The following LPP variants were observed in gnomAD, a reference collection of about 807,000 sequenced individuals.
The protein encoded by LPP is lipoma-preferred partner.
In LPP, 38 loss-of-function variants were observed where a neutral mutation model predicts 60.4. The observed-to-expected ratio is 0.63, with a 90% CI of 0.49 to 0.83. The LOEUF (loss-of-function observed/expected upper bound fraction) is 0.83. Ranked by LOEUF, LPP falls within the 40% of genes least tolerant of loss-of-function variation. The pLI is 0.00. For synonymous variants in LPP, 328 were observed against 290.8 expected (o/e 1.13, Z -1.30); for missense variants, 902 against 783.6 (o/e 1.15, Z -1.80).
intron 6 of LPP, among the ~76,000 whole-genome samples, chr3:188,606,859 C>A (rs1409631896): frequency 6.6e-6 from 1 of 151,972 alleles, no homozygotes; most frequent in Non-Finnish European, 1.5e-5. Flanking sequence ...GACTCAAGAT[C>A]AGCAGAAACC....
At chr3:188,801,152 T>A (rs1428430813) in intron 9 of LPP, among the ~76,000 whole-genome samples, 1 of 152,142 alleles carries the variant, frequency 6.6e-6, no homozygotes, top group Non-Finnish European at 1.5e-5. Flanking sequence ...GGGCTAAACG[T>A]CTAAAAAACA....
At chr3:188,687,163 C>T (rs1391870343) in intron 7 of LPP, among the ~76,000 whole-genome samples, 2 of 152,192 alleles carry the variant, frequency 1.3e-5, no homozygotes, top group Non-Finnish European at 2.9e-5. Context: ...TAATGGAGAT[C>T]ATCTAGTTCG....
intron 1 of LPP, among the ~76,000 whole-genome samples, chr3:188,197,431 C>T (rs1729851578): frequency 6.6e-6 from 1 of 152,154 alleles, no homozygotes; most frequent in African/African-American, 2.4e-5. Flanking sequence ...TGCCCCAGTA[C>T]ACAGCTGGCA....
At chr3:188,532,486 A>G (rs1822457163) in intron 6 of LPP, among the ~76,000 whole-genome samples, 1 of 152,184 alleles carries the variant, frequency 6.6e-6, no homozygotes, top group Non-Finnish European at 1.5e-5. Context: ...CATAGAGGAA[A>G]GAGGTGAGTT....
chr3:188,243,305 G>C (rs905591201), intron 2 of LPP, among the ~76,000 whole-genome samples: 5 of 152,072 alleles, frequency 3.3e-5, no homozygotes, highest in East Asian at 1.9e-4. Flanking sequence ...CTACCCCTCA[G>C]GTTATTTTAG....
Position 188,248,495 on chromosome 3 carries a change from T to TATAC in LPP, c.-67+22970_-67+22973dup, listed in dbSNP as rs1553833664. Reference sequence around the variant, plus strand: ...ATATATATATATATATATATATATATATACAGTCAGCAGAGCTTGTTTTGG... The same window carrying TATAC: ...ATATATATATATATATATATATATATATACATACAGTCAGCAGAGCTTGTTTTGG... On this transcript the variant is annotated intron_variant, in intron 2 of 11. Coordinates refer to ENST00000617246, the MANE Select transcript of LPP (RefSeq NM_001375462.1). Among the ~76,000 whole-genome samples the TATAC allele has an allele frequency of 2.9e-5, 4 of 138,614 alleles. 1 individual carries two copies. The highest frequency in any genetic ancestry group is 1.1e-4 in the African/African-American group (4 of 34,886). The allele number at this position is 138,614 out of a possible 152,430, so 90.9% of individuals were successfully genotyped here.
intron 3 of LPP, among the ~76,000 whole-genome samples, chr3:188,388,341 G>T (rs146037282): frequency 5.9e-5 from 9 of 152,246 alleles, no homozygotes; most frequent in Admixed American, 5.9e-4. Context: ...AATTATTCTT[G>T]AATTTTAACC....
chr3:188,566,371 A>G (rs1257228286), intron 6 of LPP, among the ~76,000 whole-genome samples: 7 of 151,950 alleles, frequency 4.6e-5, no homozygotes. Flanking sequence ...GAAAATGAAC[A>G]TTGATGGGAA....
intron 7 of LPP, among the ~76,000 whole-genome samples, chr3:188,635,960 T>C (rs1341584088): frequency 6.6e-6 from 1 of 152,220 alleles, no homozygotes; most frequent in Non-Finnish European, 1.5e-5. Flanking sequence ...TTTTACCCAA[T>C]GCCTAGCCTA....
intron 7 of LPP, among the ~76,000 whole-genome samples, chr3:188,622,097 A>C (rs2151571918): frequency 6.6e-6 from 1 of 152,322 alleles, no homozygotes; most frequent in East Asian, 1.9e-4. Context: ...TCTTCTAAGC[A>C]GCTAGAGATT....
At chr3:188,735,150 T>C (rs1483308316) in intron 8 of LPP, among the ~76,000 whole-genome samples, 2 of 152,154 alleles carry the variant, frequency 1.3e-5, no homozygotes, top group Non-Finnish European at 2.9e-5. Flanking sequence ...ACTGACCCAC[T>C]GACATTGAGT....
intron 9 of LPP, among the ~76,000 whole-genome samples, chr3:188,792,912 C>T (rs1366344829): frequency 2.0e-5 from 3 of 151,940 alleles, no homozygotes; most frequent in Non-Finnish European, 2.9e-5. Context: ...CACTGGTTTG[C>T]GTGAAGGAAG....
intron 1 of LPP, among the ~76,000 whole-genome samples, chr3:188,207,796 T>A (rs534485816): frequency 3.7e-4 from 56 of 152,222 alleles, no homozygotes; most frequent in African/African-American, 1.3e-3. Flanking sequence ...TTCCTTCATC[T>A]GTGCCCCCCT....
intron 9 of LPP, among the ~76,000 whole-genome samples, chr3:188,842,507 A>G (rs1209421467): frequency 6.6e-6 from 1 of 152,100 alleles, no homozygotes; most frequent in Non-Finnish European, 1.5e-5. Context: ...TTTGCTGTGC[A>G]GATTAACTTG....
At chr3:188,734,873 G>A (rs752415319) in intron 8 of LPP, among the ~76,000 whole-genome samples, 10 of 152,216 alleles carry the variant, frequency 6.6e-5, no homozygotes, top group Non-Finnish European at 1.0e-4. Context: ...TCAAGAGCCT[G>A]AGGGTATTGA....
chr3:188,309,388 T>A lies in LPP; in HGVS notation c.-66-32275T>A, dbSNP rs578100067. 5.9e-5 allele frequency among the ~76,000 whole-genome samples: 9 copies of A among 152,270 alleles called. No individual in the cohort carries two copies. The South Asian group carries it at 1.7e-3, about 28-fold the overall frequency. On this transcript the variant is annotated intron_variant, in intron 2 of 11. Coordinates refer to ENST00000617246, the MANE Select transcript of LPP (RefSeq NM_001375462.1). ...TTTGCATTACCTACTTTGCAGGCTC[T>A]GGAGTTAGATTGAGCGCACCTGAAG... is the stretch of plus-strand genomic sequence containing the variant.
rs1783447730 is a variant in LPP, at chr3:188,406,182, C to T, written c.62C>T (p.Ala21Val). ...GGTGAGCCCCTCGGCCATGTGCCTG[C>T]ACGGATGGAGACCACCCATTCCTTT... Reference protein sequence around the residue: ...STGEPLGHVPARMETTHSFGN... With the variant: ...STGEPLGHVPVRMETTHSFGN... Residue 21 changes from alanine to valine, a missense_variant, in exon 4 of 12, where the codon GCA becomes GTA. Ala to Val is a moderately conservative substitution (Grantham distance 64, BLOSUM62 0). Transcript: ENST00000617246. 5 of 1,614,176 alleles carry T rather than the reference C, an allele frequency of 3.1e-6. No homozygotes were observed. Among genetic ancestry groups the T allele is most frequent in the Middle Eastern group, 1.6e-4 (1 of 6,062 alleles).
chr3:188,641,034 C>G (rs937712222), intron 7 of LPP, among the ~76,000 whole-genome samples: 1 of 152,192 alleles, frequency 6.6e-6, no homozygotes, highest in Non-Finnish European at 1.5e-5. Flanking sequence ...TTCCAAATCT[C>G]TCCAATCACA....
chr3:188,229,999 T>C (rs1719262295), intron 2 of LPP, among the ~76,000 whole-genome samples: 1 of 152,202 alleles, frequency 6.6e-6, no homozygotes, highest in Non-Finnish European at 1.5e-5. Flanking sequence ...TTTAGGAAAC[T>C]ATGTGAATTA....
Sources: allele counts gnomAD v4.1 joint callset (sites outside exome capture counted in the v4.1 genomes callset), GRCh38; gene constraint gnomAD v4.1.1; transcripts MANE v1.5; gene names NCBI Gene and HGNC (gene_info 2026-07-23, HGNC 2026-07-21).